SETX: variants seen among roughly 807,000 people sequenced by gnomAD.
SETX encodes the protein helicase senataxin.
Under a neutral mutation model 227.2 loss-of-function variants are expected in SETX, and 90 were observed. The observed-to-expected ratio is 0.40, with a 90% confidence interval of 0.33 to 0.47. The LOEUF is 0.47. Among genes scored for constraint, SETX ranks in the 20% least tolerant of loss-of-function variants. The pLI is 0.91. For synonymous variants in SETX, 1,210 were observed against 1,113.2 expected (o/e 1.09, Z -1.73); for missense variants, 3,052 against 3,181.5 (o/e 0.96, Z 0.98).
chr9:132,343,975 G>A (rs12348389), intron 4 of SETX, among the ~76,000 whole-genome samples: 8,458 of 152,114 alleles, frequency 0.056, 803 homozygotes, highest in African/African-American at 0.19. Context: ...AAAAAGATGA[G>A]GGCACATGTT....
rs757696934 is a variant in SETX at position 132,286,450 on chromosome 9, C to T, written c.6369G>A (p.Arg2123=). The change falls in exon 18 of 26, where the codon AGG becomes AGA. Residue 2123 remains arginine, a synonymous_variant. Transcript: ENST00000224140. The stretch of plus-strand genomic sequence containing the variant: ...CTTTAATTTTAGAAGCAAGTTCCTG[C>T]CTTTCCTTAGAAACTTTGGAAATGT... The part of the protein sequence containing the change: ...DENISKVSKE[R]QELASKIKEV... 1.2e-6 allele frequency: 2 copies of T among 1,613,348 alleles called. No homozygotes were observed. The highest frequency in any genetic ancestry group is 1.1e-5 in the South Asian group (1 of 91,032).
Position 132,328,158 on chromosome 9 carries a change from A to G in SETX, c.3440T>C (p.Ile1147Thr). The change falls in exon 10 of 26, where the codon ATT (isoleucine) becomes ACT (threonine). Residue 1147 changes from isoleucine (I) to threonine (T), a missense_variant. Ile to Thr is a moderately conservative substitution (Grantham distance 89). Transcript: ENST00000224140. The part of the protein sequence containing the change: ...GIEEHTRPRS[I>T]SVEEFCEIEV... ...AATTTCACAAAATTCTTCAACAGAA[A>G]TACTCCGTGGTCTTGTGTGTTCTTC... 6.2e-7 allele frequency: 1 copy of G among 1,614,172 alleles called. No homozygotes were observed. The highest frequency in any genetic ancestry group is 1.1e-5 in the South Asian group (1 of 91,068).
At chr9:132,337,998 A>G (rs951856539) in intron 5 of SETX, among the ~76,000 whole-genome samples, 6 of 152,130 alleles carry the variant, frequency 3.9e-5, no homozygotes, top group African/African-American at 1.4e-4. Context: ...TGAGAAGGAC[A>G]GTAACATCAC....
chr9:132,308,863 A>AG (rs1217745439), intron 11 of SETX, among the ~76,000 whole-genome samples: 1 of 152,080 alleles, frequency 6.6e-6, no homozygotes, highest in Non-Finnish European at 1.5e-5. Context: ...GCAAGGTAGG[A>AG]GGGGTGAGGC....
Position 132,328,777 on chromosome 9 carries a change from CTCT to C in SETX, c.2818_2820del (p.Arg940del). 6.2e-7 allele frequency: 1 copy of C among 1,610,676 alleles called. No individual in the cohort carries two copies. Among genetic ancestry groups the C allele is most frequent in the Non-Finnish European group, 8.5e-7 (1 of 1,178,704 alleles). ...TTAGGACTGATGTCAGGGGCCTGTT[CTCT>C]TGTCAAGTTAGAATAAATCACACTG... On this transcript the variant is annotated inframe_deletion, in exon 10 of 26. Coordinates refer to ENST00000224140, the MANE Select transcript of SETX (RefSeq NM_015046.7).
rs141493544 is a variant in SETX, at chr9:132,290,948, T to C, written c.6107-2297A>G. ...ATTCTAATTGGACACGTCACAGTTA[T>C]TTGTTTACTGTCTATCTCCATCCTT... On this transcript the variant is annotated intron_variant, in intron 15 of 25. Transcript: ENST00000224140. Among the ~76,000 whole-genome samples, 50 of 152,296 alleles carry C rather than the reference T, an allele frequency of 3.3e-4. No homozygotes were observed. In the East Asian group the frequency reaches 8.9e-3, roughly 27 times the overall value.
chr9:132,346,037 A>G (rs1848265909), intron 4 of SETX, among the ~76,000 whole-genome samples: 1 of 152,096 alleles, frequency 6.6e-6, no homozygotes, highest in Non-Finnish European at 1.5e-5. Flanking sequence ...AATAAAAACA[A>G]TCTTCAGTTA....
At position 132,328,387 on chromosome 9, in the gene SETX, A is replaced by G; in HGVS notation, c.3211T>C (p.Phe1071Leu). 1 of 1,614,038 alleles carries G rather than the reference A, an allele frequency of 6.2e-7. No individual in the cohort carries two copies. Reference protein sequence around the residue: ...PVKEEKTETLFQFEESDSQCF... With the variant: ...PVKEEKTETLLQFEESDSQCF... The stretch of plus-strand genomic sequence containing the variant: ...TGAGAATCAGATTCCTCAAACTGAA[A>G]AAGAGTCTCTGTCTTTTCTTCCTTT... The change falls in exon 10 of 26, where the codon TTT becomes CTT. Residue 1071 changes from phenylalanine to leucine, a missense_variant. This residue lies in a region of SETX where 1,483 missense variants were observed against 1,312.0 expected (regional missense o/e 1.13). Coordinates refer to ENST00000224140, the MANE Select transcript of SETX (RefSeq NM_015046.7).
At chr9:132,332,305 A>G (rs1185996) in intron 7 of SETX, among the ~76,000 whole-genome samples, 114,073 of 152,124 alleles carry the variant, frequency 0.75, 44,072 homozygotes, top group Non-Finnish European at 0.84. Flanking sequence ...CTAGCACAAC[A>G]TATCAAAATC....
intron 18 of SETX, among the ~76,000 whole-genome samples, chr9:132,285,539 C>T (rs950513043): frequency 4.0e-5 from 6 of 150,822 alleles, no homozygotes; most frequent in Non-Finnish European, 7.4e-5. Context: ...TGAGGTTGGA[C>T]GTTCCAGACC....
intron 3 of SETX, among the ~76,000 whole-genome samples, chr9:132,346,777 C>G (rs1848316783): frequency 8.2e-6 from 1 of 121,606 alleles, no homozygotes; most frequent in East Asian, 2.0e-4. Flanking sequence ...CAAAGCAAGA[C>G]CCTGTCACTA....
intron 10 of SETX, among the ~76,000 whole-genome samples, chr9:132,320,481 C>T (rs530023620): frequency 1.5e-4 from 23 of 150,830 alleles, no homozygotes; most frequent in South Asian, 4.2e-4. Flanking sequence ...GTAATCCCAG[C>T]TACTCGGGAG....
chr9:132,272,168 C>A (rs1842936767), intron 23 of SETX, among the ~76,000 whole-genome samples: 1 of 151,932 alleles, frequency 6.6e-6, no homozygotes, highest in South Asian at 2.1e-4. Context: ...CCGCGTCCGG[C>A]TTAGTTTTTT....
intron 11 of SETX, among the ~76,000 whole-genome samples, chr9:132,310,686 A>G (rs1042336736): frequency 9.2e-5 from 14 of 152,166 alleles, no homozygotes; most frequent in Non-Finnish European, 1.8e-4. Flanking sequence ...ATTGCATCTC[A>G]ATGTACAGCT....
At chr9:132,282,050 T>C (rs1215892692) in intron 19 of SETX, among the ~76,000 whole-genome samples, 4 of 145,602 alleles carry the variant, frequency 2.7e-5, no homozygotes, top group Non-Finnish European at 6.0e-5. Context: ...CAAGACTCCG[T>C]CTCAAAAAAA....
intron 10 of SETX, among the ~76,000 whole-genome samples, chr9:132,324,918 A>T (rs1203500770): frequency 1.3e-5 from 2 of 152,238 alleles, no homozygotes; most frequent in East Asian, 3.8e-4. Context: ...GAATGCTTAC[A>T]CTAAAGAATT....
At chr9:132,335,878 AC>A (rs1182049817) in intron 6 of SETX, among the ~76,000 whole-genome samples, 1 of 152,206 alleles carries the variant, frequency 6.6e-6, no homozygotes, top group Non-Finnish European at 1.5e-5. Context: ...AGAACTGAGA[AC>A]TATAAAATCC....
Position 132,330,475 on chromosome 9 carries a change from A to T in SETX, c.1123T>A (p.Cys375Ser). 1.9e-6 allele frequency: 3 copies of T among 1,613,424 alleles called. No individual in the cohort carries two copies. The highest frequency in any genetic ancestry group is 2.2e-5 in the South Asian group (2 of 91,080). ...KKDSGWRTAI[C>S]PDYCPNMYEE... is the part of the protein sequence containing the mutation. ...TACATGTTAGGACAATAATCTGGGC[A>T]AATGGCTGTTCTCCATCCAGAATCC... Residue 375 changes from cysteine (C) to serine (S), a missense_variant, in exon 10 of 26, where the codon TGC becomes AGC. This residue lies in a region of SETX where 39 missense variants were observed against 84.8 expected (regional missense o/e 0.46). Coordinates refer to ENST00000224140, the MANE Select transcript of SETX (RefSeq NM_015046.7).
chr9:132,305,246 C>T (rs1204183728), intron 11 of SETX, among the ~76,000 whole-genome samples: 4 of 146,666 alleles, frequency 2.7e-5, no homozygotes, highest in African/African-American at 5.1e-5. Flanking sequence ...CCCAGCAACT[C>T]GGGAGGCTGA....
Sources: allele counts gnomAD v4.1 joint callset (sites outside exome capture counted in the v4.1 genomes callset), GRCh38; gene constraint gnomAD v4.1.1; regional missense constraint gnomAD v4.1.1; transcripts MANE v1.5; gene names NCBI Gene and HGNC (gene_info 2026-07-23, HGNC 2026-07-21).